PANK1: variants seen among roughly 807,000 people sequenced by gnomAD.
PANK1 encodes pantothenate kinase 1, also known as pantothenic acid kinase 1.
Under a neutral mutation model 40.1 loss-of-function variants are expected in PANK1, and 18 were observed. That is an observed-to-expected ratio of 0.45 (90% CI 0.31 to 0.67). PANK1 has a LOEUF of 0.67. Among genes scored for constraint, PANK1 ranks in the 30% least tolerant of loss-of-function variants. PANK1 has a pLI of 0.06. For synonymous variants in PANK1, 242 were observed against 237.7 expected (o/e 1.02, Z -0.17); for missense variants, 457 against 599.6 (o/e 0.76, Z 2.48).
chr10:89,635,311 G>T (rs191261420), intron 1 of PANK1, among the ~76,000 whole-genome samples: 95 of 152,228 alleles, frequency 6.2e-4, no homozygotes, highest in African/African-American at 1.7e-3. Context: ...GCCAAGATTG[G>T]GGGGCTGCAT....
chr10:89,620,503 C>T (rs1172014411), intron 1 of PANK1, among the ~76,000 whole-genome samples: 1 of 152,216 alleles, frequency 6.6e-6, no homozygotes, highest in Non-Finnish European at 1.5e-5. Flanking sequence ...TTAGGAAATT[C>T]CAGCCTGGCG....
Position 89,599,382 on chromosome 10 carries a change from G to T in PANK1, c.769C>A (p.Pro257Thr). The T allele has an allele frequency of 6.2e-7, 1 of 1,613,986 alleles. No individual in the cohort carries two copies. ...TACGGCTTTTTTTGACACAATTCAGGATTTGTGGGATTTTCAAAATAGTAA... is the reference window on the plus strand; with the variant it reads ...TACGGCTTTTTTTGACACAATTCAGTATTTGTGGGATTTTCAAAATAGTAA... Reference protein sequence around the residue: ...ECYYFENPTNPELCQKKPYCL... With the variant: ...ECYYFENPTNTELCQKKPYCL... Residue 257 changes from proline (P) to threonine (T), a missense_variant, in exon 3 of 7, where the codon CCT becomes ACT. Physicochemically the swap from Pro to Thr is conservative, Grantham distance 38. Coordinates refer to ENST00000307534, the MANE Select transcript of PANK1 (RefSeq NM_148977.3).
At chr10:89,643,925 A>G in intron 1 of PANK1, 1 of 1,290,510 alleles carries the variant, frequency 7.7e-7, no homozygotes, top group Non-Finnish European at 1.0e-6. Flanking sequence ...ACAAACCCTC[A>G]ACTCAACCTC....
At chr10:89,644,506 G>C in intron 1 of PANK1, 94 bp downstream of exon 1, 1 of 1,118,830 alleles carries the variant, frequency 8.9e-7, no homozygotes, top group Non-Finnish European at 1.2e-6. Context: ...GGGCGCACGG[G>C]GCGTGCTGCG....
chr10:89,582,285 T>C (rs1844065954), downstream of PANK1: 1 of 152,204 alleles, frequency 6.6e-6, no homozygotes, highest in Non-Finnish European at 1.5e-5. Context: ...TTCTTTGTGA[T>C]GTTGATTCTA....
chr10:89,592,759 T>C, intron 5 of PANK1: 2 of 535,338 alleles, frequency 3.7e-6, no homozygotes, highest in Non-Finnish European at 7.7e-6. Flanking sequence ...TGTGCTTTGA[T>C]AGCCCTGTAC....
At chr10:89,612,095 G>T in intron 1 of PANK1, 47 bp from the exon 2 acceptor site, 1 of 1,454,332 alleles carries the variant, frequency 6.9e-7, no homozygotes, top group South Asian at 1.3e-5. Context: ...TGCGTGCAAA[G>T]AAGTGTTCAG....
At chr10:89,597,394 T>C (rs1844643346) in intron 3 of PANK1, among the ~76,000 whole-genome samples, 1 of 152,230 alleles carries the variant, frequency 6.6e-6, no homozygotes, top group South Asian at 2.1e-4. Flanking sequence ...GGGTTCTCTA[T>C]TAACCTGCAG....
At chr10:89,608,607 C>T (rs754591649) in intron 2 of PANK1, among the ~76,000 whole-genome samples, 31 of 152,228 alleles carry the variant, frequency 2.0e-4, no homozygotes, top group Non-Finnish European at 3.8e-4. Context: ...GCTTACTATT[C>T]GGGGTCTGTT....
At chr10:89,637,048 C>T (rs573119998) in intron 1 of PANK1, among the ~76,000 whole-genome samples, 15 of 151,416 alleles carry the variant, frequency 9.9e-5, no homozygotes, top group Middle Eastern at 6.8e-3. Flanking sequence ...TTAGTAGAGA[C>T]GGGGTTCCAC....
chr10:89,616,572 C>A (rs1311231593), intron 1 of PANK1, among the ~76,000 whole-genome samples: 1 of 151,990 alleles, frequency 6.6e-6, no homozygotes, highest in South Asian at 2.1e-4. Context: ...TGTACTACGA[C>A]TATGCCTGTG....
At chr10:89,588,889 G>GT (rs887090782) in intron 5 of PANK1, 112 bp from the exon 6 acceptor site, 34 of 645,314 alleles carry the variant, frequency 5.3e-5, no homozygotes, top group Admixed American at 2.0e-4. Context: ...AATATTCCTT[G>GT]TTTTTTTGGT....
intron 1 of PANK1, among the ~76,000 whole-genome samples, chr10:89,617,600 A>T (rs1214859970): frequency 6.6e-6 from 1 of 152,112 alleles, no homozygotes; most frequent in Non-Finnish European, 1.5e-5. Flanking sequence ...CACTGTTAAC[A>T]CTCTGAAAGG....
Position 89,583,885 on chromosome 10 carries a change from CA to C in PANK1, c.*520del, listed in dbSNP as rs1844111677. ...TCAGAAGACAACTAAAACAGAAAAA[CA>C]AGACAAAAAAGGGTACAAAACAAAT... On this transcript the variant is annotated 3_prime_UTR_variant, in exon 7 of 7. Transcript: ENST00000307534. The C allele has an allele frequency of 6.6e-6, 1 of 152,206 alleles. No individual in the cohort carries two copies. The highest frequency in any genetic ancestry group is 2.4e-5 in the African/African-American group (1 of 41,284). The allele number at this position is 152,206 out of a possible 1,614,324, so 9.4% of individuals were successfully genotyped here.
intron 1 of PANK1, 112 bp from the exon 2 acceptor site, chr10:89,612,160 A>G (rs1266035856): frequency 1.1e-6 from 1 of 875,396 alleles, no homozygotes; most frequent in African/African-American, 1.7e-5. Flanking sequence ...TGTGCATTTA[A>G]CATTCAATTT....
intron 1 of PANK1, among the ~76,000 whole-genome samples, chr10:89,624,242 G>A (rs976308299): frequency 2.0e-5 from 3 of 152,170 alleles, no homozygotes; most frequent in Admixed American, 1.3e-4. Context: ...TCTGTTAGGT[G>A]CAAGAGGCAC....
Position 89,588,648 on chromosome 10 carries a change from C to T in PANK1, c.1326+4G>A. The T allele has an allele frequency of 6.3e-7, 1 of 1,596,888 alleles. No homozygotes were observed. Among genetic ancestry groups the T allele is most frequent in the Non-Finnish European group, 8.5e-7 (1 of 1,173,832 alleles). On this transcript the variant is annotated splice_donor_region_variant and intron_variant, in intron 6 of 6. Coordinates refer to ENST00000307534, the MANE Select transcript of PANK1 (RefSeq NM_148977.3). ...GACAGTAAGTCTATGCAAGCTCAAC[C>T]TACCTCATGTTCCAAAAACAGAGCT...
At chr10:89,609,845 C>G (rs557470433) in intron 2 of PANK1, among the ~76,000 whole-genome samples, 1 of 152,196 alleles carries the variant, frequency 6.6e-6, no homozygotes, top group African/African-American at 2.4e-5. Context: ...CTGCTCATGG[C>G]CAACACATAT....
At chr10:89,613,179 A>C (rs1845213616) in intron 1 of PANK1, among the ~76,000 whole-genome samples, 1 of 152,228 alleles carries the variant, frequency 6.6e-6, no homozygotes, top group African/African-American at 2.4e-5. Flanking sequence ...CACAGAGCAA[A>C]CCCAAATGGG....
Sources: gnomAD v4.1 joint callset for allele counts (sites outside exome capture counted in the v4.1 genomes callset) on GRCh38, gnomAD v4.1.1 for gene constraint, MANE v1.5 for transcripts, NCBI Gene and HGNC (gene_info 2026-07-23, HGNC 2026-07-21) for gene names.